The following SRBD1 variants were observed in gnomAD, a reference collection of about 807,000 sequenced individuals.
SRBD1 encodes the protein S1 RNA binding domain 1, also known as S1 RNA-binding domain-containing protein 1.
SRBD1 carries 88 observed loss-of-function variants against 115.3 expected under a neutral mutation model. The ratio of observed to expected loss-of-function variants is 0.76; its 90% confidence interval spans 0.64 to 0.91. The LOEUF (loss-of-function observed/expected upper bound fraction) is 0.91. SRBD1 is among the 40% of genes least tolerant of loss of function. The pLI is 0.00. For synonymous variants in SRBD1, 509 were observed against 407.7 expected, an observed-to-expected ratio of 1.25 and a Z score of -2.99; for missense variants, 1,385 against 1,177.4, an observed-to-expected ratio of 1.18 and a Z score of -2.58.
At chr2:45,548,828 G>A (rs1469730487) in intron 12 of SRBD1, among the ~76,000 whole-genome samples, 2 of 151,768 alleles carry the variant, frequency 1.3e-5, no homozygotes, top group Admixed American at 6.6e-5. Context: ...CTAGAACATA[G>A]ATAAAATATC....
intron 20 of SRBD1, among the ~76,000 whole-genome samples, chr2:45,390,868 C>T (rs140743240): frequency 5.3e-5 from 8 of 152,208 alleles, no homozygotes; most frequent in African/African-American, 1.4e-4. Context: ...AAAATGAGTA[C>T]GCTAAAATTG....
intron 14 of SRBD1, among the ~76,000 whole-genome samples, chr2:45,541,733 AG>A (rs1671946159): frequency 6.6e-6 from 1 of 152,156 alleles, no homozygotes; most frequent in Non-Finnish European, 1.5e-5. Context: ...TTCTGCAGAC[AG>A]GTCTCCTGAC....
chr2:45,404,218 G>A (rs1292938983), intron 19 of SRBD1, among the ~76,000 whole-genome samples: 1 of 152,160 alleles, frequency 6.6e-6, no homozygotes, highest in Non-Finnish European at 1.5e-5. Flanking sequence ...AGATGAAAAA[G>A]ATTATAGTTG....
At chr2:45,600,164 T>A (rs1320681510) in intron 3 of SRBD1, among the ~76,000 whole-genome samples, 1 of 152,172 alleles carries the variant, frequency 6.6e-6, no homozygotes, top group African/African-American at 2.4e-5. Flanking sequence ...ACATGTGCGA[T>A]AAAATTGCAC....
intron 17 of SRBD1, 65 bp downstream of exon 17, chr2:45,419,723 G>C (rs548838740): frequency 7.0e-7 from 1 of 1,433,292 alleles, no homozygotes; most frequent in Admixed American, 1.7e-5. Context: ...TCTTCTAGCC[G>C]AGTTTGGACT....
intron 14 of SRBD1, chr2:45,546,068 T>C (rs1476819639): frequency 3.0e-5 from 21 of 704,550 alleles, no homozygotes; most frequent in Non-Finnish European, 3.5e-5. Context: ...TTAAATCCTT[T>C]AGGACTTAAT....
chr2:45,394,032 G>C (rs1667077484), intron 19 of SRBD1, among the ~76,000 whole-genome samples: 1 of 151,914 alleles, frequency 6.6e-6, no homozygotes, highest in Admixed American at 6.6e-5. Context: ...AGAGTCAACA[G>C]AAAAAATATA....
At chr2:45,564,398 A>T (rs937486621) in intron 9 of SRBD1, among the ~76,000 whole-genome samples, 1 of 152,216 alleles carries the variant, frequency 6.6e-6, no homozygotes, top group Non-Finnish European at 1.5e-5. Flanking sequence ...ACAACATTGT[A>T]CTGAAGGTTC....
At chr2:45,496,580 T>C (rs1176957407) in intron 14 of SRBD1, among the ~76,000 whole-genome samples, 1 of 152,178 alleles carries the variant, frequency 6.6e-6, no homozygotes, top group African/African-American at 2.4e-5. Context: ...GTTTTGGAAA[T>C]AACAATGGTT....
chr2:45,590,935 T>C (rs1343713805), intron 4 of SRBD1, among the ~76,000 whole-genome samples: 2 of 151,618 alleles, frequency 1.3e-5, no homozygotes, highest in African/African-American at 4.9e-5. Flanking sequence ...GGGAATCACT[T>C]GAACCCGGGA....
At chr2:45,475,661 C>A (rs1669783050) in intron 16 of SRBD1, among the ~76,000 whole-genome samples, 1 of 152,082 alleles carries the variant, frequency 6.6e-6, no homozygotes, top group Admixed American at 6.6e-5. Context: ...AATATAATTC[C>A]TCTTCACTAT....
Position 45,398,375 on chromosome 2 carries a change from AG to A in SRBD1, c.2514-5247del, listed in dbSNP as rs973531945. Among the ~76,000 whole-genome samples, 5 of 152,248 alleles carry A rather than the reference AG, an allele frequency of 3.3e-5. No individual in the cohort carries two copies. In the East Asian group the frequency reaches 9.7e-4, roughly 30 times the overall value. On this transcript the variant is annotated intron_variant, in intron 19 of 20. Transcript: ENST00000263736. Reference sequence around the variant, plus strand: ...CATATATGAGTAGAAGAAAAAAAAAAGAAATGACAAGAGAAAGATTTCCTGT... The same window carrying A: ...CATATATGAGTAGAAGAAAAAAAAAAAAATGACAAGAGAAAGATTTCCTGT...
chr2:45,541,385 C>G (rs1671931105), intron 14 of SRBD1, among the ~76,000 whole-genome samples: 1 of 152,240 alleles, frequency 6.6e-6, no homozygotes, highest in Admixed American at 6.5e-5. Flanking sequence ...TCAAGGTCTG[C>G]AGCATGGCAG....
intron 19 of SRBD1, among the ~76,000 whole-genome samples, chr2:45,411,250 G>A (rs1667593491): frequency 6.6e-6 from 1 of 152,146 alleles, no homozygotes; most frequent in African/African-American, 2.4e-5. Context: ...ACATATTTTG[G>A]TGACCAGAGG....
intron 14 of SRBD1, among the ~76,000 whole-genome samples, chr2:45,500,417 A>C (rs1313864583): frequency 6.7e-6 from 1 of 149,650 alleles, no homozygotes; most frequent in East Asian, 2.0e-4. Flanking sequence ...AGTATATATA[A>C]ACAATATTGA....
At chr2:45,484,027 T>C (rs1225272315) in intron 15 of SRBD1, among the ~76,000 whole-genome samples, 1 of 152,098 alleles carries the variant, frequency 6.6e-6, no homozygotes, top group African/African-American at 2.4e-5. Flanking sequence ...TAAATATATC[T>C]CCAAATAAAT....
In SRBD1 at chr2:45,581,659, G is replaced by C. The variant is rs754358372; in HGVS notation, c.933+34C>G. On this transcript the variant is annotated intron_variant, in intron 6 of 20. Coordinates refer to ENST00000263736, the MANE Select transcript of SRBD1 (RefSeq NM_018079.5). The stretch of plus-strand genomic sequence containing the variant: ...GAAGACCCAAATTGCAATATATTCA[G>C]GTATTACATTAAAAGATAAAAAGGA... The C allele has an allele frequency of 1.6e-5, 25 of 1,526,280 alleles. No individual in the cohort carries two copies. The South Asian group carries it at 2.9e-4, about 18-fold the overall frequency. 94.5% of individuals were successfully genotyped at this position (1,526,280 alleles called of 1,614,324 possible).
chr2:45,393,977 T>C (rs527717868), intron 19 of SRBD1, among the ~76,000 whole-genome samples: 1 of 152,294 alleles, frequency 6.6e-6, no homozygotes, highest in East Asian at 1.9e-4. Flanking sequence ...TCCGTAACAG[T>C]TGAGCCTCAT....
intron 14 of SRBD1, among the ~76,000 whole-genome samples, chr2:45,496,734 C>T (rs1320444191): frequency 6.6e-6 from 1 of 152,154 alleles, no homozygotes; most frequent in East Asian, 1.9e-4. Context: ...CTCCCCACAA[C>T]CTCTACTTTC....
Sources: allele counts gnomAD v4.1 joint callset (sites outside exome capture counted in the v4.1 genomes callset), GRCh38; gene constraint gnomAD v4.1.1; transcripts MANE v1.5; gene names NCBI Gene and HGNC (gene_info 2026-07-23, HGNC 2026-07-21).